GOSR1: variants seen among roughly 807,000 people sequenced by gnomAD.
The protein encoded by GOSR1 is 28 kDa Golgi SNARE protein.
In GOSR1, 21 loss-of-function variants were observed where a neutral mutation model predicts 35.5. The observed-to-expected ratio is 0.59, with a 90% CI of 0.42 to 0.85. The LOEUF is 0.85. Among genes scored for constraint, GOSR1 ranks in the 40% least tolerant of loss-of-function variants. The pLI, the probability that GOSR1 is intolerant of heterozygous loss-of-function variation, is 0.00. For synonymous variants in GOSR1, 94 were observed against 106.6 expected, an observed-to-expected ratio of 0.88 and a Z score of 0.73; for missense variants, 285 against 309.6, an observed-to-expected ratio of 0.92 and a Z score of 0.60.
At chr17:30,487,826 A>C (rs933198001) in intron 4 of GOSR1, among the ~76,000 whole-genome samples, 1 of 150,940 alleles carries the variant, frequency 6.6e-6, no homozygotes, top group Non-Finnish European at 1.5e-5. Context: ...GGAGTATTGG[A>C]GTGCAATGGT....
chr17:30,525,106 T>G lies in GOSR1; in HGVS notation c.*2728T>G, dbSNP rs941143884. On this transcript the variant is annotated 3_prime_UTR_variant, in exon 9 of 9. Transcript: ENST00000451249. ...ACATCTACACTGCTGCTCTTCACCA[T>G]TGGAATTCACTGTGGTATTTATAGT... 6.6e-6 allele frequency: 1 copy of G among 152,230 alleles called. No homozygotes were observed. Among genetic ancestry groups the G allele is most frequent in the Non-Finnish European group, 1.5e-5 (1 of 68,034 alleles). The allele number at this position is 152,230 out of a possible 1,614,324, so 9.4% of individuals were successfully genotyped here.
chr17:30,485,090 T>G, intron 4 of GOSR1: 2 of 387,168 alleles, frequency 5.2e-6, no homozygotes, highest in South Asian at 2.2e-5. Flanking sequence ...GACAATAACG[T>G]GGTGGGTAAG....
In GOSR1 at chr17:30,522,350, T is replaced by C. The variant is rs200199604; in HGVS notation, c.719T>C (p.Ile240Thr). Residue 240 changes from isoleucine (I) to threonine (T), a missense_variant, in exon 9 of 9, where the codon ATC becomes ACC. This residue lies in a region of GOSR1 where 168 missense variants were observed against 183.2 expected (regional missense o/e 0.92). Transcript: ENST00000451249. ...GGGGGTGTTATTGGGATCTGTACCA[T>C]CCTGTTGCTGCTGTATGCGTTCCAT... is the stretch of plus-strand genomic sequence containing the variant. The part of the protein sequence containing the change: ...ILGGVIGICT[I>T]LLLLYAFH 93 of 1,599,072 alleles carry C rather than the reference T, an allele frequency of 5.8e-5. No homozygotes were observed. The highest frequency in any genetic ancestry group is 7.3e-5 in the Non-Finnish European group (86 of 1,172,608).
intron 7 of GOSR1, 68 bp from the exon 8 acceptor site, chr17:30,519,871 T>TA (rs1967961030): frequency 1.1e-6 from 1 of 935,392 alleles, no homozygotes; most frequent in Non-Finnish European, 1.7e-6. Context: ...CTTTCACTTT[T>TA]AAAGGCATGA....
At chr17:30,512,250 A>C (rs2143861964) in intron 7 of GOSR1, among the ~76,000 whole-genome samples, 1 of 152,356 alleles carries the variant, frequency 6.6e-6, no homozygotes, top group South Asian at 2.1e-4. Context: ...TAAGACTGTT[A>C]AGGATAATGT....
At chr17:30,486,221 AG>A (rs1914674668) in intron 4 of GOSR1, among the ~76,000 whole-genome samples, 1 of 152,178 alleles carries the variant, frequency 6.6e-6, no homozygotes, top group African/African-American at 2.4e-5. Flanking sequence ...GACAGTAAAA[AG>A]AAATGAAATG....
chr17:30,519,907 T>C lies in GOSR1; in HGVS notation c.540-32T>C, dbSNP rs573803038. 32 of 1,318,350 alleles carry C rather than the reference T, an allele frequency of 2.4e-5. No individual in the cohort carries two copies. In the South Asian group the frequency reaches 3.7e-4, roughly 15 times the overall value. The allele number at this position is 1,318,350 out of a possible 1,614,324, so 81.7% of individuals were successfully genotyped here. A position where few individuals can be genotyped will look rare whatever the true frequency, so the allele number is the denominator to read the frequency against. On this transcript the variant is annotated intron_variant, in intron 7 of 8. Transcript: ENST00000451249. ...TGGTTCCAGGCAGGATAATCTTAAA[T>C]GGTGATTTGTCATCTTTTTTTCCCC...
At chr17:30,500,640 T>A (rs868038314) in intron 6 of GOSR1, among the ~76,000 whole-genome samples, 1 of 152,208 alleles carries the variant, frequency 6.6e-6, no homozygotes, top group Non-Finnish European at 1.5e-5. Context: ...TCATAATAAG[T>A]TTTGAAATGA....
chr17:30,477,557 G>T, intron 1 of GOSR1, 93 bp downstream of exon 1: 1 of 1,456,994 alleles, frequency 6.9e-7, no homozygotes, highest in Non-Finnish European at 9.3e-7. Flanking sequence ...GAAAGAACCA[G>T]ACTCCCGGAG....
intron 2 of GOSR1, among the ~76,000 whole-genome samples, chr17:30,483,500 A>T (rs1297084278): frequency 2.0e-5 from 3 of 152,008 alleles, no homozygotes; most frequent in Non-Finnish European, 4.4e-5. Flanking sequence ...GTAGAGGAGG[A>T]TTTATATTAG....
chr17:30,493,664 T>C (rs888880228), intron 6 of GOSR1, among the ~76,000 whole-genome samples: 1 of 152,222 alleles, frequency 6.6e-6, no homozygotes, highest in African/African-American at 2.4e-5. Flanking sequence ...GTGCTCATTT[T>C]AGAAAGTATG....
intron 4 of GOSR1, among the ~76,000 whole-genome samples, chr17:30,489,662 T>C (rs1490300681): frequency 6.6e-6 from 1 of 152,218 alleles, no homozygotes; most frequent in African/African-American, 2.4e-5. Flanking sequence ...GTAGAAAATG[T>C]TTAAAGATTA....
At chr17:30,495,067 A>G (rs890557707) in intron 6 of GOSR1, among the ~76,000 whole-genome samples, 1 of 151,850 alleles carries the variant, frequency 6.6e-6, no homozygotes. Context: ...GGGCACCTGT[A>G]ATCCCAACTA....
chr17:30,507,507 G>A (rs550945607), intron 6 of GOSR1, among the ~76,000 whole-genome samples: 35 of 152,230 alleles, frequency 2.3e-4, no homozygotes, highest in African/African-American at 7.9e-4. Flanking sequence ...CGGATCACCC[G>A]AGGTGAGGAG....
intron 4 of GOSR1, among the ~76,000 whole-genome samples, chr17:30,485,849 C>T (rs1367459125): frequency 6.6e-6 from 1 of 151,734 alleles, no homozygotes; most frequent in African/African-American, 2.4e-5. Context: ...TGGCGAAACC[C>T]TGTCTCTACT....
intron 5 of GOSR1, chr17:30,490,418 C>T (rs553280388): frequency 7.1e-6 from 3 of 423,406 alleles, no homozygotes; most frequent in Admixed American, 7.2e-5. Flanking sequence ...CTTCCTCTTA[C>T]TTTATCATTG....
intron 6 of GOSR1, among the ~76,000 whole-genome samples, chr17:30,500,091 A>G (rs1276373369): frequency 6.6e-6 from 1 of 152,136 alleles, no homozygotes; most frequent in Non-Finnish European, 1.5e-5. Context: ...TTTGTCAGAT[A>G]AAGGTTTTGC....
rs147931167 is a variant in GOSR1, at chr17:30,481,081, G to C, written c.32-62G>C. 5.9e-4 allele frequency: 612 copies of C among 1,028,998 alleles called. 1 individual carries two copies. In the African/African-American group the frequency reaches 9.0e-3, roughly 15 times the overall value. 63.7% of individuals were successfully genotyped at this position (1,028,998 alleles called of 1,614,324 possible). ...TTCATAGTTTGTTTTCTTTAGAATG[G>C]TGCTGTGATTTTTGTGTCTACTTTT... On this transcript the variant is annotated intron_variant, in intron 1 of 8. Transcript: ENST00000451249.
chr17:30,516,518 C>T (rs903609247), intron 7 of GOSR1, among the ~76,000 whole-genome samples: 2 of 151,520 alleles, frequency 1.3e-5, no homozygotes, highest in Admixed American at 1.3e-4. Context: ...TAGTACCCCT[C>T]CATTCTTAAC....
Sources: gnomAD v4.1 joint callset for allele counts (sites outside exome capture counted in the v4.1 genomes callset) on GRCh38, gnomAD v4.1.1 for gene constraint, gnomAD v4.1.1 regional missense constraint, MANE v1.5 for transcripts, NCBI Gene and HGNC (gene_info 2026-07-23, HGNC 2026-07-21) for gene names.